FGGY: variants seen among roughly 807,000 people sequenced by gnomAD.
FGGY encodes FGGY carbohydrate kinase domain containing.
A neutral mutation model predicts 71.3 loss-of-function variants in FGGY; 72 were observed. That is an observed-to-expected ratio of 1.01 (90% CI 0.84 to 1.23). The LOEUF (loss-of-function observed/expected upper bound fraction) is 1.23. Ranked by LOEUF, FGGY falls within the 50% of genes most tolerant of loss-of-function variation. The pLI is 0.00. For missense variants in FGGY, 668 were observed against 682.3 expected, an observed-to-expected ratio of 0.98 and a Z score of 0.23; for synonymous variants, 251 against 250.3, an observed-to-expected ratio of 1.00 and a Z score of -0.02.
chr1:59,347,606 A>G (rs1295028008), intron 4 of FGGY, among the ~76,000 whole-genome samples: 2 of 152,166 alleles, frequency 1.3e-5, no homozygotes, highest in Non-Finnish European at 2.9e-5. Context: ...ACCAAAACAG[A>G]TATATAGACC....
intron 5 of FGGY, among the ~76,000 whole-genome samples, chr1:59,423,263 G>A: frequency 6.6e-6 from 1 of 152,148 alleles, no homozygotes; most frequent in Non-Finnish European, 1.5e-5. Flanking sequence ...AAACTATTTG[G>A]CAAAGGAGTG....
chr1:59,493,096 A>ACACACACACACAC (rs1553245704), intron 6 of FGGY, among the ~76,000 whole-genome samples: 1 of 143,024 alleles, frequency 7.0e-6, no homozygotes, highest in Non-Finnish European at 1.5e-5. Flanking sequence ...TACCAAACAA[A>ACACACACACACAC]ACACACACAC....
intron 8 of FGGY, among the ~76,000 whole-genome samples, chr1:59,593,010 G>T (rs1379219197): frequency 6.6e-6 from 1 of 152,220 alleles, no homozygotes; most frequent in African/African-American, 2.4e-5. Flanking sequence ...CTTTTCCTCT[G>T]TGTAGAACTG....
intron 8 of FGGY, among the ~76,000 whole-genome samples, chr1:59,592,483 C>T (rs978702201): frequency 1.3e-5 from 2 of 152,122 alleles, no homozygotes; most frequent in Non-Finnish European, 2.9e-5. Flanking sequence ...GACACATGCA[C>T]ACATATGTTT....
chr1:59,679,302 A>G (rs2097470383), intron 14 of FGGY, among the ~76,000 whole-genome samples: 1 of 150,826 alleles, frequency 6.6e-6, no homozygotes, highest in African/African-American at 2.4e-5. Context: ...GTAAGAGTCA[A>G]CTTTCTGTGA....
At chr1:59,487,437 G>C (rs1318957744) in intron 6 of FGGY, among the ~76,000 whole-genome samples, 2 of 151,864 alleles carry the variant, frequency 1.3e-5, no homozygotes, top group Non-Finnish European at 2.9e-5. Context: ...GAGGGCAGGG[G>C]CCATGTCCAT....
intron 6 of FGGY, among the ~76,000 whole-genome samples, chr1:59,503,611 A>ATAT (rs988969496): frequency 6.8e-6 from 1 of 146,970 alleles, no homozygotes; most frequent in African/African-American, 2.5e-5. Context: ...ATATATATAT[A>ATAT]TATATATAAA....
chr1:59,657,130 G>A (rs1405009205), intron 11 of FGGY, among the ~76,000 whole-genome samples: 1 of 152,140 alleles, frequency 6.6e-6, no homozygotes, highest in African/African-American at 2.4e-5. Flanking sequence ...TAATTGAGAA[G>A]GATATCAGAA....
intron 6 of FGGY, among the ~76,000 whole-genome samples, chr1:59,469,487 C>G (rs538795265): frequency 6.6e-6 from 1 of 152,164 alleles, no homozygotes; most frequent in Non-Finnish European, 1.5e-5. Context: ...GAGGGCAGAG[C>G]CCTCATGGCT....
At chr1:59,561,877 G>A (rs149212933) in intron 8 of FGGY, among the ~76,000 whole-genome samples, 178 of 152,190 alleles carry the variant, frequency 1.2e-3, no homozygotes, top group African/African-American at 4.1e-3. Context: ...CAATTAAAAG[G>A]GCCAAACATG....
At position 59,490,337 on chromosome 1, in the gene FGGY, A is replaced by T. The variant is rs558130258; in HGVS notation, c.671-21974A>T. Among the ~76,000 whole-genome samples, 7 of 152,290 alleles carry T rather than the reference A, an allele frequency of 4.6e-5. No individual in the cohort carries two copies. In the South Asian group the frequency reaches 1.5e-3, roughly 32 times the overall value. ...GTCTCTGAGATTACAGGCGTGAGTCACCATTTGCCAATATTTAAATCAGGT... is the reference window on the plus strand; with the variant it reads ...GTCTCTGAGATTACAGGCGTGAGTCTCCATTTGCCAATATTTAAATCAGGT... On this transcript the variant is annotated intron_variant, in intron 6 of 15. Transcript: ENST00000303721.
At chr1:59,539,076 G>A (rs1334587672) in intron 7 of FGGY, among the ~76,000 whole-genome samples, 1 of 152,092 alleles carries the variant, frequency 6.6e-6, no homozygotes, top group East Asian at 1.9e-4. Flanking sequence ...AGGAAGATGT[G>A]TAAGACATCT....
chr1:59,531,063 G>A (rs1018657546), intron 7 of FGGY, among the ~76,000 whole-genome samples: 1 of 152,194 alleles, frequency 6.6e-6, no homozygotes, highest in Non-Finnish European at 1.5e-5. Context: ...TGGGCTTAAA[G>A]TGCTACATAT....
At chr1:59,374,796 A>G (rs2058353151) in intron 4 of FGGY, among the ~76,000 whole-genome samples, 1 of 151,710 alleles carries the variant, frequency 6.6e-6, no homozygotes, top group African/African-American at 2.4e-5. Flanking sequence ...TTCTCAGTAA[A>G]CTATCGCAAG....
chr1:59,387,456 CTTAT>C (rs1048927134), intron 5 of FGGY, among the ~76,000 whole-genome samples: 1 of 151,924 alleles, frequency 6.6e-6, no homozygotes, highest in African/African-American at 2.4e-5. Flanking sequence ...TTATCAACCA[CTTAT>C]TTATGTATGT....
At chr1:59,325,790 A>G (rs2047324824) in intron 2 of FGGY, among the ~76,000 whole-genome samples, 1 of 152,168 alleles carries the variant, frequency 6.6e-6, no homozygotes, top group Admixed American at 6.5e-5. Context: ...TTCCTATTTG[A>G]AATATGAGGA....
chr1:59,761,651 C>A (rs1235261825), intron 15 of FGGY, among the ~76,000 whole-genome samples: 1 of 152,150 alleles, frequency 6.6e-6, no homozygotes, highest in South Asian at 2.1e-4. Flanking sequence ...ATGGCCAATA[C>A]CAGTTCTAAC....
At chr1:59,624,043 G>A (rs1486893485) in intron 9 of FGGY, among the ~76,000 whole-genome samples, 1 of 152,028 alleles carries the variant, frequency 6.6e-6, no homozygotes, top group Non-Finnish European at 1.5e-5. Context: ...AAACTCAGGG[G>A]ATCCAAAGTG....
chr1:59,502,413 G>C (rs983955857), intron 6 of FGGY, among the ~76,000 whole-genome samples: 2 of 152,142 alleles, frequency 1.3e-5, no homozygotes, highest in Non-Finnish European at 2.9e-5. Flanking sequence ...TTTGCATGTG[G>C]CCTTAGGCTA....
Sources: gnomAD v4.1 joint callset for allele counts (sites outside exome capture counted in the v4.1 genomes callset) on GRCh38, gnomAD v4.1.1 for gene constraint, MANE v1.5 for transcripts, NCBI Gene and HGNC (gene_info 2026-07-23, HGNC 2026-07-21) for gene names.